Variants in DGKH observed in about 807,000 individuals in gnomAD.
The protein encoded by DGKH is DAG kinase eta.
Under a neutral mutation model 159.3 loss-of-function variants are expected in DGKH, and 90 were observed. The observed-to-expected ratio is 0.57, with a 90% CI of 0.48 to 0.67. The LOEUF (loss-of-function observed/expected upper bound fraction) is 0.67. Ranked by LOEUF, DGKH falls within the 30% of genes least tolerant of loss-of-function variation. The pLI is 0.00. For synonymous variants in DGKH, 536 were observed against 553.8 expected, an observed-to-expected ratio of 0.97 and a Z score of 0.45; for missense variants, 1,181 against 1,506.1, an observed-to-expected ratio of 0.78 and a Z score of 3.57.
At chr13:42,067,327 A>T (rs1354497050) in intron 1 of DGKH, among the ~76,000 whole-genome samples, 1 of 152,332 alleles carries the variant, frequency 6.6e-6, no homozygotes, top group Non-Finnish European at 1.5e-5. Flanking sequence ...AAATGAGAAT[A>T]GTATATCAAA....
At chr13:42,120,730 T>A (rs924474918) in intron 1 of DGKH, among the ~76,000 whole-genome samples, 2 of 152,212 alleles carry the variant, frequency 1.3e-5, no homozygotes, top group African/African-American at 4.8e-5. Flanking sequence ...AATTTACTGT[T>A]ATATGGAGGC....
chr13:42,189,243 G>A lies in DGKH; in HGVS notation c.1846G>A (p.Glu616Lys). 1.2e-6 allele frequency: 2 copies of A among 1,614,208 alleles called. No homozygotes were observed. The highest frequency in any genetic ancestry group is 2.2e-5 in the South Asian group (2 of 91,088). Residue 616 changes from glutamate to lysine, a missense_variant, in exon 15 of 30, where the codon GAA becomes AAA. This residue lies in a region of DGKH where 257 missense variants were observed against 281.5 expected (regional missense o/e 0.91). Transcript: ENST00000337343. ...CTCCCAGAAAGCCGTCAAACCAAGG[G>A]AAATCATGTTGCGGGCAAATAGTTT... ...PSSQKAVKPR[E>K]IMLRANSLKK...
chr13:42,132,338 G>T (rs1321740694), intron 3 of DGKH, among the ~76,000 whole-genome samples: 1 of 152,098 alleles, frequency 6.6e-6, no homozygotes, highest in Non-Finnish European at 1.5e-5. Context: ...GTTAACTATA[G>T]TCATCCTACG....
intron 1 of DGKH, among the ~76,000 whole-genome samples, chr13:42,059,956 A>G (rs1160026578): frequency 6.8e-6 from 1 of 147,004 alleles, no homozygotes; most frequent in African/African-American, 2.5e-5. Context: ...TTCAGGCTGG[A>G]GTACAGTGGC....
chr13:42,094,141 A>T, intron 1 of DGKH, among the ~76,000 whole-genome samples: 1 of 127,652 alleles, frequency 7.8e-6, no homozygotes, highest in Non-Finnish European at 1.6e-5. Context: ...GGGGGGAGGG[A>T]TAGCATTAGG....
At chr13:42,056,968 A>G (rs1443807844) in intron 1 of DGKH, among the ~76,000 whole-genome samples, 1 of 152,198 alleles carries the variant, frequency 6.6e-6, no homozygotes, top group Non-Finnish European at 1.5e-5. Context: ...TTTGGATCCT[A>G]CGTTTTTAGG....
At chr13:42,226,412 G>A (rs753417040) in intron 29 of DGKH, among the ~76,000 whole-genome samples, 3 of 152,126 alleles carry the variant, frequency 2.0e-5, no homozygotes, top group Non-Finnish European at 4.4e-5. Context: ...CCTAGAACCC[G>A]AAATACCATT....
At position 42,225,193 on chromosome 13, in the gene DGKH, G is replaced by C. The variant is rs1008999377; in HGVS notation, c.3573+3799G>C. On this transcript the variant is annotated intron_variant, in intron 29 of 29. Coordinates refer to ENST00000337343, the MANE Select transcript of DGKH (RefSeq NM_178009.5). ...CTGCCTTGGCCTCCTACAATGCTGGGATTACTGGTGTGAGCCACCATGCCC... is the reference window on the plus strand; with the variant it reads ...CTGCCTTGGCCTCCTACAATGCTGGCATTACTGGTGTGAGCCACCATGCCC... 3.5e-5 allele frequency: 44 copies of C among 1,275,148 alleles called. No individual in the cohort carries two copies. The African/African-American group carries it at 6.0e-4, about 18-fold the overall frequency. 79.0% of individuals were successfully genotyped at this position (1,275,148 alleles called of 1,614,324 possible).
At chr13:42,087,491 A>G (rs1176699027) in intron 1 of DGKH, among the ~76,000 whole-genome samples, 1 of 152,218 alleles carries the variant, frequency 6.6e-6, no homozygotes, top group East Asian at 1.9e-4. Context: ...AAGGGATGAT[A>G]GAATTGGTTA....
intron 1 of DGKH, among the ~76,000 whole-genome samples, chr13:42,049,635 G>T (rs1052893218): frequency 6.6e-6 from 1 of 152,244 alleles, no homozygotes; most frequent in Admixed American, 6.5e-5. Flanking sequence ...GGCTGGCCAG[G>T]CTTTCGTGTC....
chr13:42,097,162 G>A (rs1954555959), intron 1 of DGKH, among the ~76,000 whole-genome samples: 1 of 152,140 alleles, frequency 6.6e-6, no homozygotes, highest in South Asian at 2.1e-4. Context: ...TCCATTGTGT[G>A]GGCTTTTTGT....
At chr13:42,135,304 G>T (rs1955377178) in intron 3 of DGKH, among the ~76,000 whole-genome samples, 1 of 151,738 alleles carries the variant, frequency 6.6e-6, no homozygotes, top group South Asian at 2.1e-4. Context: ...TTTAAGACCA[G>T]CCTGGGCAAA....
rs1402257049 is a variant in DGKH, at chr13:42,127,539, G to A, written c.269G>A (p.Arg90Gln). Residue 90 changes from arginine (R) to glutamine (Q), a missense_variant, in exon 2 of 30, where the codon CGA (arginine) becomes CAA (glutamine). This residue lies in a region of DGKH where 136 missense variants were observed against 132.2 expected (regional missense o/e 1.03). Transcript: ENST00000337343. ...TGGAAAAAGCGATACTTCAAACTTCGAGGCCGCACCCTTTACTATGCAAAG... is the reference window on the plus strand; with the variant it reads ...TGGAAAAAGCGATACTTCAAACTTCAAGGCCGCACCCTTTACTATGCAAAG... ...QRWKKRYFKL[R>Q]GRTLYYAKDS... is the part of the protein sequence containing the mutation. The A allele has an allele frequency of 3.1e-6, 5 of 1,613,572 alleles. No homozygotes were observed. Among genetic ancestry groups the A allele is most frequent in the Non-Finnish European group, 3.4e-6 (4 of 1,179,774 alleles).
rs57531279 is a variant in DGKH, at chr13:42,159,244, CTTT to C, written c.623-5_623-3del. On this transcript the variant is annotated intron_variant, in intron 5 of 29. Coordinates refer to ENST00000337343, the MANE Select transcript of DGKH (RefSeq NM_178009.5). ...TCTTGTCCACTTAAAAGCAGTTGCT[CTTT>C]TTTTTTTTTTTTTTTTAGTGTGTAA... 1,954 of 214,682 alleles carry C rather than the reference CTTT, an allele frequency of 9.1e-3. 2 individuals carry two copies. Among genetic ancestry groups the C allele is most frequent in the East Asian group, 0.022 (251 of 11,408 alleles). 13.3% of individuals were successfully genotyped at this position (214,682 alleles called of 1,614,324 possible).
downstream of DGKH, among the ~76,000 whole-genome samples, chr13:42,245,417 G>A (rs142943947): frequency 1.9e-4 from 29 of 152,258 alleles, no homozygotes; most frequent in Admixed American, 6.5e-4. Context: ...TCAGATCAGA[G>A]GACCAGATCA....
intron 3 of DGKH, among the ~76,000 whole-genome samples, chr13:42,144,630 T>C (rs1000468252): frequency 6.6e-6 from 1 of 150,396 alleles, no homozygotes; most frequent in African/African-American, 2.5e-5. Flanking sequence ...GAGATTGAGC[T>C]GAGATCGTGC....
chr13:42,215,930 C>T (rs1460930646), intron 26 of DGKH, among the ~76,000 whole-genome samples: 1 of 152,196 alleles, frequency 6.6e-6, no homozygotes, highest in Non-Finnish European at 1.5e-5. Flanking sequence ...CCCCATTCAG[C>T]TTCGAGAGAC....
intron 1 of DGKH, among the ~76,000 whole-genome samples, chr13:42,063,948 A>AAAAT (rs1555256374): frequency 6.5e-4 from 84 of 128,856 alleles, no homozygotes; most frequent in African/African-American, 2.0e-3. Context: ...TGAAAAAAAA[A>AAAAT]ATATATATAT....
chr13:42,199,535 G>T, intron 18 of DGKH, 31 bp from the exon 19 acceptor site: 3 of 1,404,852 alleles, frequency 2.1e-6, no homozygotes, highest in South Asian at 2.6e-5. Flanking sequence ...ATCTCAAATT[G>T]ACTTTGATGT....
Sources: allele counts gnomAD v4.1 joint callset (sites outside exome capture counted in the v4.1 genomes callset), GRCh38; gene constraint gnomAD v4.1.1; regional missense constraint gnomAD v4.1.1; transcripts MANE v1.5; gene names NCBI Gene and HGNC (gene_info 2026-07-23, HGNC 2026-07-21).